The following AHCYL2 variants were observed in gnomAD, a reference collection of about 807,000 sequenced individuals.
AHCYL2 encodes the protein S-adenosylhomocysteine hydrolase-like protein 2.
AHCYL2 carries 28 observed loss-of-function variants against 81.4 expected under a neutral mutation model. The observed-to-expected ratio is 0.34, with a 90% CI of 0.25 to 0.47. The LOEUF (loss-of-function observed/expected upper bound fraction) is 0.47, where lower values mean the gene tolerates loss of function less well. Among genes scored for constraint, AHCYL2 ranks in the 20% least tolerant of loss-of-function variants. The pLI is 1.00. For synonymous variants in AHCYL2, 272 were observed against 290.2 expected (o/e 0.94, Z 0.64); for missense variants, 551 against 785.1 (o/e 0.70, Z 3.56).
intron 1 of AHCYL2, among the ~76,000 whole-genome samples, chr7:129,315,303 G>A (rs1413126400): frequency 1.1e-4 from 17 of 152,074 alleles, no homozygotes; most frequent in Admixed American, 1.1e-3. Flanking sequence ...CCTTGGCTTG[G>A]AATTCAAAGC....
chr7:129,255,137 T>C (rs1404216319), intron 1 of AHCYL2, among the ~76,000 whole-genome samples: 1 of 151,974 alleles, frequency 6.6e-6, no homozygotes, highest in Non-Finnish European at 1.5e-5. Context: ...GGCACGTGCC[T>C]ATAATACCAG....
intron 1 of AHCYL2, among the ~76,000 whole-genome samples, chr7:129,279,948 TG>T (rs1796371043): frequency 6.6e-6 from 1 of 152,142 alleles, no homozygotes; most frequent in Non-Finnish European, 1.5e-5. Context: ...GTTTTATCAG[TG>T]GTGTCTTAGT....
intron 1 of AHCYL2, among the ~76,000 whole-genome samples, chr7:129,325,515 A>G (rs766583093): frequency 3.3e-5 from 5 of 151,592 alleles, no homozygotes; most frequent in Non-Finnish European, 5.9e-5. Flanking sequence ...TTTTGTTTAT[A>G]CCTTTGTGCT....
intron 1 of AHCYL2, among the ~76,000 whole-genome samples, chr7:129,337,478 C>T (rs1314548916): frequency 6.6e-6 from 1 of 152,132 alleles, no homozygotes; most frequent in African/African-American, 2.4e-5. Flanking sequence ...CAGCTCAGTA[C>T]AACCTCCACC....
chr7:129,330,052 T>A (rs954273019), intron 1 of AHCYL2, among the ~76,000 whole-genome samples: 1 of 152,234 alleles, frequency 6.6e-6, no homozygotes, highest in African/African-American at 2.4e-5. Context: ...TTGCCGAGGC[T>A]GGAGTACAGA....
At chr7:129,244,002 C>T (rs951468379) in intron 1 of AHCYL2, among the ~76,000 whole-genome samples, 10 of 148,894 alleles carry the variant, frequency 6.7e-5, no homozygotes, top group Non-Finnish European at 1.3e-4. Flanking sequence ...TTTTTTTGTG[C>T]TTTTTTTTGG....
chr7:129,313,298 A>T (rs1290904986), intron 1 of AHCYL2, among the ~76,000 whole-genome samples: 1 of 152,200 alleles, frequency 6.6e-6, no homozygotes, highest in Admixed American at 6.5e-5. Context: ...TTGGGAGTAC[A>T]GAGGAGGTGA....
chr7:129,309,058 C>T (rs1278737740), intron 1 of AHCYL2, among the ~76,000 whole-genome samples: 1 of 151,812 alleles, frequency 6.6e-6, no homozygotes, highest in Non-Finnish European at 1.5e-5. Flanking sequence ...ATGGTGAAAC[C>T]CCGTCTCTAC....
At chr7:129,281,944 A>G (rs1166839676) in intron 1 of AHCYL2, among the ~76,000 whole-genome samples, 2 of 152,230 alleles carry the variant, frequency 1.3e-5, no homozygotes, top group Non-Finnish European at 2.9e-5. Context: ...TCATTCAGTT[A>G]GAAACACTTC....
Position 129,280,178 on chromosome 7 carries a change from C to CTTTTTTTTTTTTTTTTT in AHCYL2, c.363+54750_363+54751insTTTTTTTTTTTTTTTTT, listed in dbSNP as rs59849233. 8.0e-5 allele frequency among the ~76,000 whole-genome samples: 9 copies of CTTTTTTTTTTTTTTTTT among 112,552 alleles called. 1 individual carries two copies. Among genetic ancestry groups the CTTTTTTTTTTTTTTTTT allele is most frequent in the Non-Finnish European group, 8.8e-5 (5 of 56,902 alleles). 73.8% of individuals were successfully genotyped at this position (112,552 alleles called of 152,430 possible). A position where few individuals can be genotyped will look rare whatever the true frequency, so the allele number is the denominator to read the frequency against. On this transcript the variant is annotated intron_variant, in intron 1 of 16. Coordinates refer to ENST00000325006, the MANE Select transcript of AHCYL2 (RefSeq NM_015328.4). ...TTATAGTCTTTAAGTTTGCTAAATACTTTTTTTTTTTGAGAGAGTCTCGCT... is the reference window on the plus strand; with the variant it reads ...TTATAGTCTTTAAGTTTGCTAAATACTTTTTTTTTTTTTTTTTTTTTTTTTTTTGAGAGAGTCTCGCT...
intron 1 of AHCYL2, among the ~76,000 whole-genome samples, chr7:129,285,696 C>CTTTTTT (rs71526096): frequency 9.9e-6 from 1 of 100,598 alleles, no homozygotes; most frequent in Non-Finnish European, 2.0e-5. Context: ...CTCTCTCTCT[C>CTTTTTT]TTTTTTTTTT....
chr7:129,314,549 A>G (rs1165068428), intron 1 of AHCYL2, among the ~76,000 whole-genome samples: 2 of 152,208 alleles, frequency 1.3e-5, no homozygotes, highest in Non-Finnish European at 2.9e-5. Flanking sequence ...TTCCTGGTTC[A>G]TAGAGAGCCA....
In AHCYL2 at chr7:129,225,104, G is replaced by A. The variant is rs765743210; in HGVS notation, c.28G>A (p.Ala10Thr). The A allele has an allele frequency of 6.3e-7, 1 of 1,598,404 alleles. No individual in the cohort carries two copies. The highest frequency in any genetic ancestry group is 8.5e-7 in the Non-Finnish European group (1 of 1,173,876). Reference sequence around the variant, plus strand: ...GTCGGTGCAGGTTGTGTCAGCCGCGGCTGCCGCCAAGGTGCCTGAGGTGGA... The same window carrying A: ...GTCGGTGCAGGTTGTGTCAGCCGCGACTGCCGCCAAGGTGCCTGAGGTGGA... The part of the protein sequence containing the change: MSVQVVSAA[A>T]AAKVPEVELK... The change falls in exon 1 of 17, where the codon GCT becomes ACT. Residue 10 changes from alanine to threonine, a missense_variant. By Grantham distance (58) the Ala-to-Thr change is moderately conservative (BLOSUM62 0). Around this residue, in one of 2 missense-constraint regions of AHCYL2, gnomAD observed 235 missense variants for 242.1 expected, o/e 0.97. Coordinates refer to ENST00000325006, the MANE Select transcript of AHCYL2 (RefSeq NM_015328.4).
chr7:129,426,972 G>T lies in AHCYL2; in HGVS notation c.1830-67G>T. ...GCCTCCCTGTTACACCTTTAGGCAG[G>T]CTCTTCATGTCCCAGCATCCCCATT... On this transcript the variant is annotated intron_variant, in intron 16 of 16. Coordinates refer to ENST00000325006, the MANE Select transcript of AHCYL2 (RefSeq NM_015328.4). The surrounding 1 kb of genome is among the most constrained non-coding windows in gnomAD (Gnocchi z 4.3). 6.5e-7 allele frequency: 1 copy of T among 1,529,988 alleles called. No individual in the cohort carries two copies. Among genetic ancestry groups the T allele is most frequent in the Non-Finnish European group, 9.0e-7 (1 of 1,106,770 alleles). The allele number at this position is 1,529,988 out of a possible 1,614,324, so 94.8% of individuals were successfully genotyped here. A position where few individuals can be genotyped will look rare whatever the true frequency, so the allele number is the denominator to read the frequency against.
At chr7:129,394,485 T>C (rs957396283) in intron 4 of AHCYL2, among the ~76,000 whole-genome samples, 1 of 148,528 alleles carries the variant, frequency 6.7e-6, no homozygotes, top group Admixed American at 6.7e-5. Context: ...TTTGCTCTTG[T>C]TGCCCAGGCT....
chr7:129,352,085 G>A (rs1240109180), intron 1 of AHCYL2, among the ~76,000 whole-genome samples: 2 of 151,746 alleles, frequency 1.3e-5, no homozygotes, highest in African/African-American at 2.4e-5. Flanking sequence ...AAAGTACTTC[G>A]GCTGCATGCT....
At chr7:129,418,180 G>A (rs977618324) in intron 12 of AHCYL2, among the ~76,000 whole-genome samples, 4 of 152,184 alleles carry the variant, frequency 2.6e-5, no homozygotes, top group African/African-American at 4.8e-5. Flanking sequence ...TATAGGCTAT[G>A]TAGAGCTTTA....
intron 1 of AHCYL2, among the ~76,000 whole-genome samples, chr7:129,242,601 T>C (rs780066970): frequency 3.3e-5 from 5 of 151,916 alleles, no homozygotes; most frequent in Non-Finnish European, 1.5e-5. Flanking sequence ...CCTGTAATCC[T>C]AGCTACTCCG....
At chr7:129,378,827 TAC>T (rs1401708743) in intron 1 of AHCYL2, among the ~76,000 whole-genome samples, 1 of 152,216 alleles carries the variant, frequency 6.6e-6, no homozygotes, top group African/African-American at 2.4e-5. Flanking sequence ...ATATGGAGCT[TAC>T]AAATATGATA....
Sources: gnomAD v4.1 joint callset for allele counts (sites outside exome capture counted in the v4.1 genomes callset) on GRCh38, gnomAD v4.1.1 for gene constraint, gnomAD v4.1.1 regional missense constraint, Gnocchi (gnomAD v3.1) non-coding constraint, MANE v1.5 for transcripts, NCBI Gene and HGNC (gene_info 2026-07-23, HGNC 2026-07-21) for gene names.